CLEC2A: variants seen among roughly 807,000 people sequenced by gnomAD.
CLEC2A encodes keratinocyte-associated C-type lectin.
CLEC2A carries 19 observed loss-of-function variants against 18.6 expected under a neutral mutation model. That is an observed-to-expected ratio of 1.02 (90% CI 0.71 to 1.50). The LOEUF (loss-of-function observed/expected upper bound fraction) is 1.50. Ranked by LOEUF, CLEC2A falls within the 40% of genes most tolerant of loss-of-function variation. CLEC2A has a pLI of 0.00. For missense variants in CLEC2A, 190 were observed against 207.9 expected (o/e 0.91, Z 0.53); for synonymous variants, 74 against 64.0 (o/e 1.16, Z -0.75).
chr12:9,924,790 A>G (rs1393395195), intron 2 of CLEC2A, among the ~76,000 whole-genome samples: 2 of 152,184 alleles, frequency 1.3e-5, no homozygotes, highest in Non-Finnish European at 2.9e-5. Flanking sequence ...TATGTCACTC[A>G]GGCATATAGA....
the CLEC2A span, among the ~76,000 whole-genome samples, chr12:9,884,612 A>G: frequency 6.7e-6 from 1 of 148,512 alleles, no homozygotes; most frequent in African/African-American, 2.4e-5. Flanking sequence ...TATATTTTAT[A>G]TAATATGTTA....
the CLEC2A span, chr12:9,893,600 A>T: frequency 1.7e-6 from 1 of 574,940 alleles, no homozygotes. Context: ...TTTATATTAA[A>T]CTTCTTCACT....
the CLEC2A span, among the ~76,000 whole-genome samples, chr12:9,889,541 T>G: frequency 6.6e-6 from 1 of 152,124 alleles, no homozygotes; most frequent in South Asian, 2.1e-4. Flanking sequence ...ATATTAATTT[T>G]TCCTGGGTTT....
At chr12:9,910,630 C>G (rs576995950), downstream of CLEC2A, among the ~76,000 whole-genome samples, 46 of 152,334 alleles carry the variant, frequency 3.0e-4, no homozygotes, top group South Asian at 9.5e-3. Flanking sequence ...CACACACTTT[C>G]AACCTCCAAG....
At chr12:9,909,646 A>G (rs375321587), downstream of CLEC2A, among the ~76,000 whole-genome samples, 9 of 152,344 alleles carry the variant, frequency 5.9e-5, no homozygotes, top group East Asian at 9.6e-4. Context: ...GCAGAGAGTC[A>G]GAGCTGATTC....
At chr12:9,904,580 T>A (rs1565527507) in intron 4 of CLEC2A, among the ~76,000 whole-genome samples, 1 of 152,096 alleles carries the variant, frequency 6.6e-6, no homozygotes. Flanking sequence ...CAGTGTTGGG[T>A]CCCACATGTT....
downstream of CLEC2A, among the ~76,000 whole-genome samples, chr12:9,897,655 C>G (rs913641128): frequency 9.2e-5 from 14 of 151,952 alleles, no homozygotes; most frequent in African/African-American, 3.1e-4. Context: ...AGAGGCCAGG[C>G]TCCTCCTGCC....
downstream of CLEC2A, among the ~76,000 whole-genome samples, chr12:9,896,965 T>C (rs1862763706): frequency 6.6e-6 from 1 of 151,882 alleles, no homozygotes; most frequent in Non-Finnish European, 1.5e-5. Flanking sequence ...GTTTAAGTGA[T>C]TCTTGTGACT....
chr12:9,916,699 C>T lies in CLEC2A; in HGVS notation c.410+1G>A, dbSNP rs750510144. 3.9e-6 allele frequency: 6 copies of T among 1,528,326 alleles called. No homozygotes were observed. The South Asian group carries it at 6.0e-5, about 15-fold the overall frequency. 94.7% of individuals were successfully genotyped at this position (1,528,326 alleles called of 1,614,324 possible). The stretch of plus-strand genomic sequence containing the variant: ...ACATTGCTAATACATTGGAAACTCA[C>T]CAACCATTGAATGTGGTGCCATTTG... On this transcript the variant is annotated splice_donor_variant, in intron 4 of 4. Transcript: ENST00000455827. LOFTEE classifies it high-confidence loss of function.
At chr12:9,920,878 A>C (rs1173775273) in intron 3 of CLEC2A, among the ~76,000 whole-genome samples, 2 of 152,210 alleles carry the variant, frequency 1.3e-5, no homozygotes, top group African/African-American at 2.4e-5. Flanking sequence ...TGTATTTTTA[A>C]AAATTTTTTC....
Position 9,932,287 on chromosome 12 carries a change from T to C in CLEC2A, c.43A>G (p.Ile15Val). The change falls in exon 1 of 5, where the codon ATA becomes GTA. Residue 15 changes from isoleucine (I) to valine (V), a missense_variant. Physicochemically the swap from Ile to Val is conservative, Grantham distance 29. Coordinates refer to ENST00000455827, the MANE Select transcript of CLEC2A (RefSeq NM_001130711.2). ...ELRDGRADGF[I>V]HRIVPKLIQN... ...CTATAAAACTTACCTATCCGATGTA[T>C]GAAGCCATCAGCTCTGCCATCCCGC... 1 of 1,551,500 alleles carries C rather than the reference T, an allele frequency of 6.4e-7. No individual in the cohort carries two copies. The highest frequency in any genetic ancestry group is 2.4e-5 in the East Asian group (1 of 40,908).
At chr12:9,904,339 G>A (rs1198132732) in intron 4 of CLEC2A, among the ~76,000 whole-genome samples, 3 of 152,174 alleles carry the variant, frequency 2.0e-5, no homozygotes, top group East Asian at 1.9e-4. Context: ...AGGACCATAC[G>A]AGTGGAAACG....
At chr12:9,909,357 C>T (rs558964038), downstream of CLEC2A, among the ~76,000 whole-genome samples, 8 of 152,300 alleles carry the variant, frequency 5.3e-5, no homozygotes, top group Admixed American at 1.3e-4. Context: ...GCTGTAGAAA[C>T]GTTTTAACTG....
chr12:9,887,910 G>T, the CLEC2A span, among the ~76,000 whole-genome samples: 1 of 151,538 alleles, frequency 6.6e-6, no homozygotes, highest in Non-Finnish European at 1.5e-5. Flanking sequence ...ACAAAAATTA[G>T]CTGGGTGTGG....
intron 3 of CLEC2A, among the ~76,000 whole-genome samples, chr12:9,919,884 C>G (rs1339461330): frequency 6.6e-6 from 1 of 152,066 alleles, no homozygotes; most frequent in Non-Finnish European, 1.5e-5. Context: ...AGCTAAAGAC[C>G]CTGGTTAGAG....
intron 1 of CLEC2A, among the ~76,000 whole-genome samples, chr12:9,931,586 A>G (rs1863376569): frequency 6.6e-6 from 1 of 152,184 alleles, no homozygotes; most frequent in Non-Finnish European, 1.5e-5. Context: ...CTTATTATTA[A>G]AAGAATTATC....
downstream of CLEC2A, among the ~76,000 whole-genome samples, chr12:9,909,156 A>T (rs1345126952): frequency 1.3e-5 from 2 of 152,006 alleles, no homozygotes; most frequent in Non-Finnish European, 2.9e-5. Context: ...TGCTCCTTTA[A>T]TCTGTTTAAG....
At chr12:9,893,587 AT>A in the CLEC2A span, 1 of 657,828 alleles carries the variant, frequency 1.5e-6, no homozygotes, top group Non-Finnish European at 2.4e-6. Flanking sequence ...TTATAGAATT[AT>A]TTTTATATTA....
intron 4 of CLEC2A, among the ~76,000 whole-genome samples, chr12:9,914,491 GC>G (rs1863038239): frequency 1.3e-5 from 2 of 152,184 alleles, no homozygotes; most frequent in Admixed American, 6.5e-5. Flanking sequence ...AACCAAAACA[GC>G]ATGGTACTGG....
Sources: gnomAD v4.1 joint callset for allele counts (sites outside exome capture counted in the v4.1 genomes callset) on GRCh38, gnomAD v4.1.1 for gene constraint, MANE v1.5 for transcripts, NCBI Gene and HGNC (gene_info 2026-07-23, HGNC 2026-07-21) for gene names.